MAGI1: variants seen among roughly 807,000 people sequenced by gnomAD.
The protein encoded by MAGI1 is membrane associated guanylate kinase, WW and PDZ domain containing 1, also known as membrane-associated guanylate kinase, WW and PDZ domain-containing protein 1.
In MAGI1, 58 loss-of-function variants were observed where a neutral mutation model predicts 139.9. The observed-to-expected ratio is 0.41, with a 90% confidence interval of 0.34 to 0.52. MAGI1 has a LOEUF of 0.52. Among genes scored for constraint, MAGI1 ranks in the 20% least tolerant of loss-of-function variants. The pLI is 0.12. For missense variants in MAGI1, 1,874 were observed against 1,901.6 expected (o/e 0.99, Z 0.27); for synonymous variants, 812 against 737.9 (o/e 1.10, Z -1.63).
At chr3:65,449,511 A>G (rs1948889898) in intron 6 of MAGI1, among the ~76,000 whole-genome samples, 1 of 152,154 alleles carries the variant, frequency 6.6e-6, no homozygotes, top group East Asian at 1.9e-4. Context: ...GTGGTGTCTC[A>G]TGCCTGTAAT....
chr3:65,995,078 G>A (rs1007801747), intron 1 of MAGI1, among the ~76,000 whole-genome samples: 1 of 152,106 alleles, frequency 6.6e-6, no homozygotes, highest in Non-Finnish European at 1.5e-5. Flanking sequence ...GTTTCTCGGG[G>A]ACAAAAACAT....
intron 2 of MAGI1, among the ~76,000 whole-genome samples, chr3:65,613,786 G>T (rs1198909630): frequency 6.6e-6 from 1 of 151,780 alleles, no homozygotes; most frequent in African/African-American, 2.4e-5. Flanking sequence ...ATCTAGTGTT[G>T]GGTTGTTACT....
At chr3:65,798,935 C>T (rs2108116960) in intron 1 of MAGI1, among the ~76,000 whole-genome samples, 1 of 152,176 alleles carries the variant, frequency 6.6e-6, no homozygotes, top group African/African-American at 2.4e-5. Context: ...ACATATCGGC[C>T]ACCTCAGTGA....
intron 5 of MAGI1, among the ~76,000 whole-genome samples, chr3:65,464,052 A>G (rs1334621053): frequency 6.6e-6 from 1 of 151,740 alleles, no homozygotes; most frequent in South Asian, 2.1e-4. Flanking sequence ...AGGAATCTCC[A>G]CCTCTTATTA....
At chr3:65,643,702 A>G (rs143537717) in intron 1 of MAGI1, among the ~76,000 whole-genome samples, 62 of 152,300 alleles carry the variant, frequency 4.1e-4, no homozygotes, top group African/African-American at 1.4e-3. Context: ...TCTCTAGCTA[A>G]AGAATTAGGG....
At chr3:65,444,489 C>A (rs376178525) in intron 7 of MAGI1, among the ~76,000 whole-genome samples, 7 of 152,198 alleles carry the variant, frequency 4.6e-5, no homozygotes, top group African/African-American at 1.4e-4. Context: ...TTTTCAAAAT[C>A]TGCAAACTGA....
chr3:65,412,842 C>T (rs989594393), intron 12 of MAGI1, among the ~76,000 whole-genome samples: 1 of 152,196 alleles, frequency 6.6e-6, no homozygotes, highest in Non-Finnish European at 1.5e-5. Flanking sequence ...GGTGTCCTGA[C>T]TTCCCATCAC....
rs115270167 is a variant in MAGI1, at chr3:65,535,149, G to C, written c.431-41518C>G. The stretch of plus-strand genomic sequence containing the variant: ...GGACTCTACTGACACTCCTTACCAT[G>C]AATTTGAAAAAGATATGAAAGAGGA... On this transcript the variant is annotated intron_variant, in intron 2 of 22. Transcript: ENST00000402939. Among the ~76,000 whole-genome samples the C allele has an allele frequency of 4.1e-3, 627 of 152,200 alleles. 7 individuals carry two copies. Among genetic ancestry groups the C allele is most frequent in the South Asian group, 0.014 (67 of 4,806 alleles).
In MAGI1 at chr3:65,373,634, T is replaced by C. The variant is rs114420300; in HGVS notation, c.3196+2111A>G. ...GAAAGGGGGGATGTCTGGACCGCATTTGGCTCTCTCAATCACTTCTCACTA... is the reference window on the plus strand; with the variant it reads ...GAAAGGGGGGATGTCTGGACCGCATCTGGCTCTCTCAATCACTTCTCACTA... On this transcript the variant is annotated intron_variant, in intron 18 of 22. Coordinates refer to ENST00000402939, the MANE Select transcript of MAGI1 (RefSeq NM_001033057.2). 1.3e-3 allele frequency among the ~76,000 whole-genome samples: 201 copies of C among 152,326 alleles called. No homozygotes were observed. The Middle Eastern group carries it at 0.014, about 10-fold the overall frequency.
At chr3:65,578,807 G>A (rs2081288435) in intron 2 of MAGI1, among the ~76,000 whole-genome samples, 1 of 152,100 alleles carries the variant, frequency 6.6e-6, no homozygotes, top group Non-Finnish European at 1.5e-5. Flanking sequence ...TGTACCCCCA[G>A]CTACTTGGGA....
At chr3:65,637,892 T>C (rs1173520464) in intron 1 of MAGI1, among the ~76,000 whole-genome samples, 1 of 152,224 alleles carries the variant, frequency 6.6e-6, no homozygotes, top group Non-Finnish European at 1.5e-5. Flanking sequence ...GTTTATTGTC[T>C]GTCATCCCCA....
chr3:65,518,717 T>G (rs1251574036), intron 2 of MAGI1, among the ~76,000 whole-genome samples: 3 of 152,112 alleles, frequency 2.0e-5, no homozygotes, highest in Non-Finnish European at 4.4e-5. Flanking sequence ...TCAGCAAATA[T>G]GTACTAAACA....
At chr3:65,717,568 T>G (rs2032424674) in intron 1 of MAGI1, 1 of 152,224 alleles carries the variant, frequency 6.6e-6, no homozygotes, top group Non-Finnish European at 1.5e-5. Flanking sequence ...CGTTCTCAGA[T>G]CAAATTATTA....
chr3:65,685,152 C>T (rs2087913156), intron 1 of MAGI1, among the ~76,000 whole-genome samples: 1 of 151,638 alleles, frequency 6.6e-6, no homozygotes, highest in African/African-American at 2.4e-5. Context: ...CCTATGAATC[C>T]ACAATTATCT....
intron 1 of MAGI1, chr3:65,873,894 C>G (rs1362396497): frequency 6.6e-6 from 1 of 151,640 alleles, no homozygotes; most frequent in Non-Finnish European, 1.5e-5. Context: ...TCTTCAAAAC[C>G]CTGGGTCAGG....
At chr3:65,487,991 G>C (rs1559599829) in intron 3 of MAGI1, among the ~76,000 whole-genome samples, 5 of 152,186 alleles carry the variant, frequency 3.3e-5, no homozygotes, top group African/African-American at 1.2e-4. Flanking sequence ...ACCACTGGCT[G>C]CCATAATGGA....
At chr3:65,401,799 A>C (rs1336191024) in intron 12 of MAGI1, 1 of 1,334,620 alleles carries the variant, frequency 7.5e-7, no homozygotes, top group Non-Finnish European at 9.6e-7. Flanking sequence ...TTCTGGATTA[A>C]GAGAGACTTA....
chr3:65,650,094 C>A (rs934961456), intron 1 of MAGI1, among the ~76,000 whole-genome samples: 1 of 152,136 alleles, frequency 6.6e-6, no homozygotes, highest in South Asian at 2.1e-4. Flanking sequence ...TGGATTACTG[C>A]TATTATTTCA....
At chr3:65,849,359 CA>C (rs2059124890) in intron 1 of MAGI1, among the ~76,000 whole-genome samples, 1 of 151,664 alleles carries the variant, frequency 6.6e-6, no homozygotes, top group East Asian at 1.9e-4. Context: ...CAAACACCAG[CA>C]ATGTTGGGTA....
Sources: allele counts gnomAD v4.1 joint callset (sites outside exome capture counted in the v4.1 genomes callset), GRCh38; gene constraint gnomAD v4.1.1; transcripts MANE v1.5; gene names NCBI Gene and HGNC (gene_info 2026-07-23, HGNC 2026-07-21).